The following DCPS variants were observed in gnomAD, a reference collection of about 807,000 sequenced individuals.
The protein encoded by DCPS is decapping enzyme, scavenger.
A neutral mutation model predicts 34.7 loss-of-function variants in DCPS; 27 were observed. That is an observed-to-expected ratio of 0.78 (90% CI 0.57 to 1.07). The LOEUF (loss-of-function observed/expected upper bound fraction) is 1.07. DCPS is among the 50% of genes least tolerant of loss of function. The probability of loss-of-function intolerance (pLI) is 0.00; values close to 1 mark genes in which losing one functional copy is unlikely to be tolerated. For synonymous variants in DCPS, 185 were observed against 185.7 expected (o/e 1.00, Z 0.03); for missense variants, 464 against 436.9 (o/e 1.06, Z -0.55).
rs752186011 is a variant in DCPS, at chr11:126,345,483, C to T, written c.884C>T (p.Ala295Val). The part of the protein sequence containing the change: ...FEAPGSGVER[A>V]HLLAEVIENL... ...GCCCCCGGCTCAGGCGTGGAGCGGGCCCACCTGCTGGCTGAGGTGATCGAG... is the reference window on the plus strand; with the variant it reads ...GCCCCCGGCTCAGGCGTGGAGCGGGTCCACCTGCTGGCTGAGGTGATCGAG... The change falls in exon 6 of 6, where the codon GCC (alanine) becomes GTC (valine). Residue 295 changes from alanine (A) to valine (V), a missense_variant. Physicochemically the swap from Ala to Val is moderately conservative, Grantham distance 64. Coordinates refer to ENST00000263579, the MANE Select transcript of DCPS (RefSeq NM_014026.6). This position sits in a 1 kb window ranked among gnomAD's most constrained non-coding sequence, Gnocchi z 7.4. 2.1e-5 allele frequency: 34 copies of T among 1,614,022 alleles called. No individual in the cohort carries two copies. Among genetic ancestry groups the T allele is most frequent in the African/African-American group, 4.0e-5 (3 of 74,938 alleles).
In DCPS at chr11:126,345,505, C is replaced by G. The variant is rs148207687; in HGVS notation, c.906C>G (p.Ile302Met). ...VERAHLLAEV[I>M]ENLECDPRHY... ...GGGCCCACCTGCTGGCTGAGGTGAT[C>G]GAGAACTTGGAGTGTGACCCTAGGC... The change falls in exon 6 of 6, where the codon ATC (isoleucine) becomes ATG (methionine). Residue 302 changes from isoleucine to methionine, a missense_variant. Ile to Met is a conservative substitution (Grantham distance 10, BLOSUM62 1). Transcript: ENST00000263579. This position sits in a 1 kb window ranked among gnomAD's most constrained non-coding sequence, Gnocchi z 7.4. 7.4e-6 allele frequency: 12 copies of G among 1,613,978 alleles called. No homozygotes were observed. Among genetic ancestry groups the G allele is most frequent in the Admixed American group, 5.0e-5 (3 of 60,004 alleles).
chr11:126,318,811 A>G (rs1951682068), intron 2 of DCPS, among the ~76,000 whole-genome samples: 1 of 152,218 alleles, frequency 6.6e-6, no homozygotes, highest in East Asian at 1.9e-4. Flanking sequence ...ACGGCTGGAA[A>G]GCAGTCTTGT....
chr11:126,309,110 C>T (rs186170455), intron 2 of DCPS, among the ~76,000 whole-genome samples: 12 of 151,868 alleles, frequency 7.9e-5, no homozygotes, highest in Non-Finnish European at 1.5e-4. Context: ...CTGCAACCTC[C>T]GCCTCCCAGG....
chr11:126,338,478 C>G lies in DCPS; in HGVS notation c.636+79C>G. Reference sequence around the variant, plus strand: ...TGGTCCTTCTGACTGCCCTCTTTCTCACGCTGGCCTGTCTCTAAGCAGATT... The same window carrying G: ...TGGTCCTTCTGACTGCCCTCTTTCTGACGCTGGCCTGTCTCTAAGCAGATT... On this transcript the variant is annotated intron_variant, in intron 4 of 5. Coordinates refer to ENST00000263579, the MANE Select transcript of DCPS (RefSeq NM_014026.6). The surrounding 1 kb of genome is among the most constrained non-coding windows in gnomAD (Gnocchi z 5.4). 1 of 1,310,212 alleles carries G rather than the reference C, an allele frequency of 7.6e-7. No individual in the cohort carries two copies. The highest frequency in any genetic ancestry group is 1.1e-6 in the Non-Finnish European group (1 of 906,138). 81.2% of individuals were successfully genotyped at this position (1,310,212 alleles called of 1,614,324 possible). A position where few individuals can be genotyped will look rare whatever the true frequency, so the allele number is the denominator to read the frequency against.
In DCPS at chr11:126,345,604, G is replaced by A; in HGVS notation, c.1005G>A (p.Gln335=). The A allele has an allele frequency of 1.2e-6, 2 of 1,612,758 alleles. No homozygotes were observed. Among genetic ancestry groups the A allele is most frequent in the South Asian group, 1.1e-5 (1 of 91,074 alleles). Reference sequence around the variant, plus strand: ...TGCTCAAGCTCTTGCAGGAGGCTCAGCAAAGCTGAATTAACTCAGGCAGAA... The same window carrying A: ...TGCTCAAGCTCTTGCAGGAGGCTCAACAAAGCTGAATTAACTCAGGCAGAA... The part of the protein sequence containing the change: ...DPLLKLLQEA[Q]QS Residue 335 remains glutamine, a synonymous_variant, in exon 6 of 6, where the codon CAG becomes CAA. Transcript: ENST00000263579. The surrounding 1 kb of genome is among the most constrained non-coding windows in gnomAD (Gnocchi z 7.4).
rs1043955999 is a variant in DCPS, at chr11:126,319,665, C to G, written c.377-11740C>G. Among the ~76,000 whole-genome samples the G allele has an allele frequency of 6.6e-6, 1 of 152,176 alleles. No homozygotes were observed. The highest frequency in any genetic ancestry group is 1.5e-5 in the Non-Finnish European group (1 of 68,026). On this transcript the variant is annotated intron_variant, in intron 2 of 5. Transcript: ENST00000263579. The surrounding 1 kb of genome is among the most constrained non-coding windows in gnomAD (Gnocchi z 4.5). ...GTTTCGCTGACAGCTGTTTACGTGTCTCTAGGAAGAATTGGAACTAGTCAT... is the reference window on the plus strand; with the variant it reads ...GTTTCGCTGACAGCTGTTTACGTGTGTCTAGGAAGAATTGGAACTAGTCAT...
Position 126,306,730 on chromosome 11 carries a change from C to G in DCPS, c.362C>G (p.Pro121Arg). The change falls in exon 2 of 6, where the codon CCA becomes CGA. Residue 121 changes from proline (P) to arginine (R), a missense_variant. Transcript: ENST00000263579. The stretch of plus-strand genomic sequence containing the variant: ...TACAGCACCTATCACTTGTTCCCTC[C>G]AAGACAACTGAATGGTGAGCAAGAG... ...DIYSTYHLFP[P>R]RQLNDVKTTV... The G allele has an allele frequency of 6.3e-7, 1 of 1,594,264 alleles. No homozygotes were observed. The highest frequency in any genetic ancestry group is 8.6e-7 in the Non-Finnish European group (1 of 1,163,364).
chr11:126,319,409 C>T lies in DCPS; in HGVS notation c.377-11996C>T, dbSNP rs1951686612. On this transcript the variant is annotated intron_variant, in intron 2 of 5. Transcript: ENST00000263579. The surrounding 1 kb of genome is among the most constrained non-coding windows in gnomAD (Gnocchi z 4.5). ...CTGGAAGCAAGGTCCTCTTCCGTCCCTTTGTGCTCCCCCCAGAACCTGCTG... is the reference window on the plus strand; with the variant it reads ...CTGGAAGCAAGGTCCTCTTCCGTCCTTTTGTGCTCCCCCCAGAACCTGCTG... Among the ~76,000 whole-genome samples the T allele has an allele frequency of 6.6e-6, 1 of 152,118 alleles. No homozygotes were observed. The highest frequency in any genetic ancestry group is 2.4e-5 in the African/African-American group (1 of 41,412).
In DCPS at chr11:126,317,062, C is replaced by G. The variant is rs566581836; in HGVS notation, c.376+10318C>G. ...CAAGCTCCGCCTCCCAGGTTCATGC[C>G]ATTCTCCTGCCTCAGCCTCCCAAGT... On this transcript the variant is annotated intron_variant, in intron 2 of 5. Coordinates refer to ENST00000263579, the MANE Select transcript of DCPS (RefSeq NM_014026.6). Among the ~76,000 whole-genome samples, 139 of 151,164 alleles carry G rather than the reference C, an allele frequency of 9.2e-4. 2 individuals are homozygous for G. Among genetic ancestry groups the G allele is most frequent in the African/African-American group, 3.4e-3 (138 of 41,182 alleles).
rs938082592 is a variant in DCPS at position 126,328,108 on chromosome 11, G to C, written c.377-3297G>C. Among the ~76,000 whole-genome samples the C allele has an allele frequency of 6.6e-6, 1 of 152,238 alleles. No individual in the cohort carries two copies. The highest frequency in any genetic ancestry group is 1.5e-5 in the Non-Finnish European group (1 of 68,050). ...AGCGGCCAGGGCACGGCCTGGAGAG[G>C]AGCCCATGGCTGACGCGAGTTAGTG... On this transcript the variant is annotated intron_variant, in intron 2 of 5. Coordinates refer to ENST00000263579, the MANE Select transcript of DCPS (RefSeq NM_014026.6). The surrounding 1 kb of genome is among the most constrained non-coding windows in gnomAD (Gnocchi z 6.6).
At chr11:126,317,125 A>T (rs889565636) in intron 2 of DCPS, among the ~76,000 whole-genome samples, 1 of 151,600 alleles carries the variant, frequency 6.6e-6, no homozygotes, top group Non-Finnish European at 1.5e-5. Context: ...CGCCCAGTTA[A>T]TTTTTTGTAT....
rs953714880 is a variant in DCPS at position 126,329,268 on chromosome 11, T to C, written c.377-2137T>C. ...AGTTGTGAGGAGGCCTTCATGCCCCTTTTTCAGGGTCAGATCCGGGGATTC... is the reference window on the plus strand; with the variant it reads ...AGTTGTGAGGAGGCCTTCATGCCCCCTTTTCAGGGTCAGATCCGGGGATTC... On this transcript the variant is annotated intron_variant, in intron 2 of 5. Coordinates refer to ENST00000263579, the MANE Select transcript of DCPS (RefSeq NM_014026.6). This position sits in a 1 kb window ranked among gnomAD's most constrained non-coding sequence, Gnocchi z 5.0. 5.9e-5 allele frequency among the ~76,000 whole-genome samples: 9 copies of C among 152,194 alleles called. No homozygotes were observed. The highest frequency in any genetic ancestry group is 1.2e-4 in the Non-Finnish European group (8 of 68,024).
chr11:126,307,962 G>A (rs189114546), intron 2 of DCPS, among the ~76,000 whole-genome samples: 2 of 152,124 alleles, frequency 1.3e-5, no homozygotes, highest in Admixed American at 6.5e-5. Flanking sequence ...TCTGTGGGCC[G>A]GCCAGTGTGT....
chr11:126,330,586 G>A (rs1951775469), intron 2 of DCPS, among the ~76,000 whole-genome samples: 1 of 150,788 alleles, frequency 6.6e-6, no homozygotes, highest in African/African-American at 2.4e-5. Flanking sequence ...TAAGGAGCAG[G>A]CAGAGCCAGG....
intron 2 of DCPS, among the ~76,000 whole-genome samples, chr11:126,326,517 G>GT (rs1170077404): frequency 3.3e-5 from 5 of 152,182 alleles, no homozygotes; most frequent in African/African-American, 1.2e-4. Context: ...TTAGAATAGT[G>GT]TTATAGGGCT....
chr11:126,339,320 A>G (rs1466896658), intron 4 of DCPS, among the ~76,000 whole-genome samples: 1 of 152,044 alleles, frequency 6.6e-6, no homozygotes, highest in East Asian at 1.9e-4. Flanking sequence ...GGGCCCGTCT[A>G]GTTTCTGCAC....
rs911904448 is a variant in DCPS, at chr11:126,348,934, C to T, written c.*3321C>T. ...GTCTTGTCCAGCATTATGGAGTGAACGTCAGCTCCAGGAAGCAGAGACTTC... is the reference window on the plus strand; with the variant it reads ...GTCTTGTCCAGCATTATGGAGTGAATGTCAGCTCCAGGAAGCAGAGACTTC... On this transcript the variant is annotated 3_prime_UTR_variant, in exon 6 of 6. Transcript: ENST00000263579. The surrounding 1 kb of genome is among the most constrained non-coding windows in gnomAD (Gnocchi z 5.3). 1.3e-5 allele frequency among the ~76,000 whole-genome samples: 2 copies of T among 152,166 alleles called. No homozygotes were observed. The highest frequency in any genetic ancestry group is 2.4e-5 in the African/African-American group (1 of 41,440).
At chr11:126,339,539 C>T (rs1951861129) in intron 4 of DCPS, among the ~76,000 whole-genome samples, 1 of 152,190 alleles carries the variant, frequency 6.6e-6, no homozygotes, top group African/African-American at 2.4e-5. Context: ...TGTGGGAATT[C>T]CCAAATGTGA....
chr11:126,339,194 T>G (rs1245350709), intron 4 of DCPS, among the ~76,000 whole-genome samples: 1 of 152,206 alleles, frequency 6.6e-6, no homozygotes, highest in Non-Finnish European at 1.5e-5. Context: ...AAGAAGGGCC[T>G]GGATAAGGCC....
Sources: gnomAD v4.1 joint callset for allele counts (sites outside exome capture counted in the v4.1 genomes callset) on GRCh38, gnomAD v4.1.1 for gene constraint, Gnocchi (gnomAD v3.1) non-coding constraint, MANE v1.5 for transcripts, NCBI Gene and HGNC (gene_info 2026-07-23, HGNC 2026-07-21) for gene names.